BANP: variants seen among roughly 807,000 people sequenced by gnomAD.
BANP encodes the protein protein BANP.
BANP carries 11 observed loss-of-function variants against 68.1 expected under a neutral mutation model. The observed-to-expected ratio is 0.16, with a 90% CI of 0.10 to 0.27. The LOEUF (loss-of-function observed/expected upper bound fraction) is 0.27. Among genes scored for constraint, BANP ranks in the 10% least tolerant of loss-of-function variants. BANP has a pLI of 1.00. For missense variants in BANP, 504 were observed against 722.7 expected, an observed-to-expected ratio of 0.70 and a Z score of 3.47; for synonymous variants, 329 against 303.2, an observed-to-expected ratio of 1.09 and a Z score of -0.88.
In BANP at chr16:88,057,131, C is replaced by T. The variant is rs1049269269; in HGVS notation, c.1312-8136C>T. Among the ~76,000 whole-genome samples, 50 of 152,162 alleles carry T rather than the reference C, an allele frequency of 3.3e-4. No individual in the cohort carries two copies. The highest frequency in any genetic ancestry group is 2.7e-3 in the Admixed American group (42 of 15,282). The stretch of plus-strand genomic sequence containing the variant: ...GGGTGTTCTGAGACTTTTCTGTTGC[C>T]GTTGTTGAGCTGTGTCTGCCTTTTC... On this transcript the variant is annotated intron_variant, in intron 11 of 13. Transcript: ENST00000682872. The surrounding 1 kb of genome is among the most constrained non-coding windows in gnomAD (Gnocchi z 4.6).
chr16:88,065,852 A>G (rs2088404137), intron 12 of BANP, among the ~76,000 whole-genome samples: 1 of 152,122 alleles, frequency 6.6e-6, no homozygotes, highest in East Asian at 1.9e-4. Context: ...GGAGGCCCAC[A>G]GGATCCCAGC....
intron 11 of BANP, among the ~76,000 whole-genome samples, chr16:88,045,134 G>C (rs542598824): frequency 7.6e-4 from 116 of 152,060 alleles, no homozygotes; most frequent in African/African-American, 2.7e-3. Context: ...AAATGTGCTA[G>C]TTAAAAAATG....
At chr16:88,007,852 C>CTT (rs113107971) in intron 6 of BANP, among the ~76,000 whole-genome samples, 1 of 147,488 alleles carries the variant, frequency 6.8e-6, no homozygotes, top group Non-Finnish European at 1.5e-5. Flanking sequence ...TTGAGTTGAT[C>CTT]TTTTTTTTTT....
At position 88,015,047 on chromosome 16, in the gene BANP, G is replaced by A. The variant is rs190988133; in HGVS notation, c.656-3381G>A. Among the ~76,000 whole-genome samples, 81 of 143,140 alleles carry A rather than the reference G, an allele frequency of 5.7e-4. 1 individual carries two copies. Among genetic ancestry groups the A allele is most frequent in the Admixed American group, 5.5e-3 (80 of 14,472 alleles). The allele number at this position is 143,140 out of a possible 152,430, so 93.9% of individuals were successfully genotyped here. On this transcript the variant is annotated intron_variant, in intron 6 of 13. Coordinates refer to ENST00000682872, the MANE Select transcript of BANP (RefSeq NM_001386991.1). ...CCCCCTCAGCTTGTGCCCTCTGGCC[G>A]TGCCCCCTCAGCTCATGCCCTCTGC...
chr16:88,024,025 C>T lies in BANP; in HGVS notation c.896-3458C>T, dbSNP rs192296875. Among the ~76,000 whole-genome samples the T allele has an allele frequency of 5.7e-3, 873 of 151,882 alleles. 11 individuals are homozygous for T. The highest frequency in any genetic ancestry group is 0.02 in the African/African-American group (813 of 41,560). ...CCCGTGAGCCTCAGCAGCCGGATGC[C>T]GAGCACTTCTGTTCTCCTTGTGTCC... On this transcript the variant is annotated intron_variant, in intron 7 of 13. Coordinates refer to ENST00000682872, the MANE Select transcript of BANP (RefSeq NM_001386991.1).
chr16:88,075,681 G>T (rs1442818161), intron 13 of BANP, among the ~76,000 whole-genome samples: 1 of 152,108 alleles, frequency 6.6e-6, no homozygotes, highest in African/African-American at 2.4e-5. Context: ...TCCACCTGGG[G>T]CGTGTTCCGT....
intron 11 of BANP, among the ~76,000 whole-genome samples, chr16:88,046,133 C>T (rs1266802288): frequency 6.6e-6 from 1 of 152,216 alleles, no homozygotes; most frequent in Non-Finnish European, 1.5e-5. Flanking sequence ...TGTGCACATA[C>T]GAGGAGTAAC....
At chr16:88,021,615 C>T (rs1444694741) in intron 7 of BANP, among the ~76,000 whole-genome samples, 3 of 152,192 alleles carry the variant, frequency 2.0e-5, no homozygotes, top group South Asian at 4.1e-4. Flanking sequence ...ACCTTTTCTT[C>T]CTGTGGCCCA....
intron 2 of BANP, among the ~76,000 whole-genome samples, chr16:87,977,470 A>G (rs1376919135): frequency 6.6e-6 from 1 of 151,874 alleles, no homozygotes; most frequent in African/African-American, 2.4e-5. Flanking sequence ...CTGCCCCAGT[A>G]CAAAGCCTGC....
At chr16:87,990,735 T>A (rs1483853519) in intron 4 of BANP, among the ~76,000 whole-genome samples, 3 of 152,206 alleles carry the variant, frequency 2.0e-5, no homozygotes. Flanking sequence ...TGGTCTATAC[T>A]ACCTTGCACA....
chr16:87,972,451 T>C (rs186666246), intron 1 of BANP, among the ~76,000 whole-genome samples: 1 of 132,056 alleles, frequency 7.6e-6, no homozygotes, highest in Admixed American at 7.7e-5. Context: ...TTTCGTCTTT[T>C]TGGGGGATAT....
intron 11 of BANP, among the ~76,000 whole-genome samples, chr16:88,041,992 C>T (rs538310852): frequency 2.0e-5 from 3 of 151,060 alleles, no homozygotes; most frequent in Non-Finnish European, 4.4e-5. Context: ...GCAGTAGGAG[C>T]GTGGGAGACG....
chr16:88,046,776 T>A (rs1367274491), intron 11 of BANP, among the ~76,000 whole-genome samples: 1 of 151,912 alleles, frequency 6.6e-6, no homozygotes, highest in Non-Finnish European at 1.5e-5. Flanking sequence ...TTAAAATCCA[T>A]ATCATGTTGG....
intron 6 of BANP, among the ~76,000 whole-genome samples, chr16:88,015,394 C>T (rs2074304080): frequency 6.6e-6 from 1 of 152,234 alleles, no homozygotes; most frequent in Non-Finnish European, 1.5e-5. Flanking sequence ...TGGGCGTGGG[C>T]GCCTGCTTTC....
At chr16:87,970,331 C>T (rs1424526300) in intron 1 of BANP, among the ~76,000 whole-genome samples, 1 of 152,184 alleles carries the variant, frequency 6.6e-6, no homozygotes, top group African/African-American at 2.4e-5. Flanking sequence ...GGGAGCCTCC[C>T]ACATAGATGG....
intron 8 of BANP, among the ~76,000 whole-genome samples, chr16:88,029,140 C>A (rs1171414017): frequency 6.6e-6 from 1 of 151,824 alleles, no homozygotes; most frequent in Admixed American, 6.6e-5. Context: ...AACCCCGTCT[C>A]TACTAAAAAT....
At chr16:88,061,049 G>A (rs561681169) in intron 11 of BANP, among the ~76,000 whole-genome samples, 3 of 152,240 alleles carry the variant, frequency 2.0e-5, no homozygotes, top group East Asian at 3.9e-4. Context: ...AGGGGGGGTG[G>A]GCGGCAAGCA....
chr16:88,020,316 G>A (rs1272573880), intron 7 of BANP, among the ~76,000 whole-genome samples: 1 of 152,232 alleles, frequency 6.6e-6, no homozygotes, highest in African/African-American at 2.4e-5. Flanking sequence ...GCGGGCAGCA[G>A]GCCCACCACC....
At chr16:88,041,706 C>T (rs1335124984) in intron 11 of BANP, among the ~76,000 whole-genome samples, 4 of 152,130 alleles carry the variant, frequency 2.6e-5, no homozygotes, top group African/African-American at 7.2e-5. Flanking sequence ...TCTTTGCCAA[C>T]AGTCGTGGTG....
Sources: allele counts gnomAD v4.1 joint callset (sites outside exome capture counted in the v4.1 genomes callset), GRCh38; gene constraint gnomAD v4.1.1; non-coding constraint Gnocchi (gnomAD v3.1); transcripts MANE v1.5; gene names NCBI Gene and HGNC (gene_info 2026-07-23, HGNC 2026-07-21).